The following CNTNAP2 variants were observed in gnomAD, a reference collection of about 807,000 sequenced individuals.
The protein encoded by CNTNAP2 is contactin-associated protein-like 2.
Under a neutral mutation model 155.2 loss-of-function variants are expected in CNTNAP2, and 98 were observed. The ratio of observed to expected loss-of-function variants is 0.63; its 90% CI spans 0.54 to 0.75. The LOEUF is 0.75. Ranked by LOEUF, CNTNAP2 falls within the 30% of genes least tolerant of loss-of-function variation. The pLI is 0.00. For synonymous variants in CNTNAP2, 651 were observed against 631.2 expected (o/e 1.03, Z -0.47); for missense variants, 1,727 against 1,688.1 (o/e 1.02, Z -0.40).
chr7:148,331,342 G>A (rs904990915), intron 21 of CNTNAP2, among the ~76,000 whole-genome samples: 12 of 149,334 alleles, frequency 8.0e-5, no homozygotes, highest in Admixed American at 2.7e-4. Context: ...TGGAATGGAC[G>A]GATGGAATGG....
At chr7:147,887,708 C>T (rs1181648412) in intron 13 of CNTNAP2, among the ~76,000 whole-genome samples, 1 of 152,034 alleles carries the variant, frequency 6.6e-6, no homozygotes, top group East Asian at 1.9e-4. Context: ...TAAATTATAT[C>T]AAATATCCCT....
rs143662512 is a variant in CNTNAP2 at position 146,186,613 on chromosome 7, A to G, written c.97+69640A>G. On this transcript the variant is annotated intron_variant, in intron 1 of 23. Coordinates refer to ENST00000361727, the MANE Select transcript of CNTNAP2 (RefSeq NM_014141.6). ...TTGGTGTATTATGTATTTCAAATAG[A>G]CTTTCTGTTGCCTTTATATATGAAT... Among the ~76,000 whole-genome samples, 460 of 152,244 alleles carry G rather than the reference A, an allele frequency of 3.0e-3. 2 individuals are homozygous for G. The highest frequency in any genetic ancestry group is 9.1e-3 in the South Asian group (44 of 4,826).
At chr7:147,883,220 T>C (rs1277754531) in intron 13 of CNTNAP2, among the ~76,000 whole-genome samples, 1 of 152,128 alleles carries the variant, frequency 6.6e-6, no homozygotes, top group African/African-American at 2.4e-5. Flanking sequence ...GACTGCATAC[T>C]GAAGTCAGCC....
chr7:147,711,143 A>T (rs2117015912), intron 13 of CNTNAP2, among the ~76,000 whole-genome samples: 1 of 152,312 alleles, frequency 6.6e-6, no homozygotes, highest in African/African-American at 2.4e-5. Context: ...TACTTTGAAT[A>T]GCTATAGGGT....
chr7:147,758,736 T>C (rs1008248875), intron 13 of CNTNAP2, among the ~76,000 whole-genome samples: 1 of 152,070 alleles, frequency 6.6e-6, no homozygotes, highest in Non-Finnish European at 1.5e-5. Context: ...GCCCAGCTAC[T>C]TGCGGGGCTG....
Position 147,043,987 on chromosome 7 carries a change from A to T in CNTNAP2, c.483A>T (p.Ile161=). The change falls in exon 4 of 24, where the codon ATA becomes ATT. Residue 161 remains isoleucine (I), a synonymous_variant. Coordinates refer to ENST00000361727, the MANE Select transcript of CNTNAP2 (RefSeq NM_014141.6). ...QHPIIARYVR[I]VPLDWNGEGR... is the part of the protein sequence containing the mutation. ...CGATTATTGCCCGCTATGTGCGCAT[A>T]GTGCCTCTGGATTGGAATGGAGAAG... is the stretch of plus-strand genomic sequence containing the variant. 1 of 1,614,232 alleles carries T rather than the reference A, an allele frequency of 6.2e-7. No homozygotes were observed.
At position 146,875,843 on chromosome 7, in the gene CNTNAP2, C is replaced by T. The variant is rs533166186; in HGVS notation, c.402+35939C>T. Among the ~76,000 whole-genome samples the T allele has an allele frequency of 2.2e-5, 3 of 135,522 alleles. No homozygotes were observed. In the South Asian group the frequency reaches 7.7e-4, roughly 35 times the overall value. The allele number at this position is 135,522 out of a possible 152,430, so 88.9% of individuals were successfully genotyped here. On this transcript the variant is annotated intron_variant, in intron 3 of 23. Transcript: ENST00000361727. ...GAAGGGTCACTTGAGGCCAGTAGTT[C>T]AAGACCAGCCTAGACAACATAGGGA... is the stretch of plus-strand genomic sequence containing the variant.
intron 23 of CNTNAP2, among the ~76,000 whole-genome samples, chr7:148,413,405 T>A (rs1339344793): frequency 0.5 from 5,533 of 10,966 alleles, 1,469 homozygotes; most frequent in South Asian, 0.68. Flanking sequence ...AAAAAAAATA[T>A]ATATATATAT....
chr7:148,097,494 G>C (rs1350222442), intron 15 of CNTNAP2, among the ~76,000 whole-genome samples: 3 of 151,738 alleles, frequency 2.0e-5, no homozygotes, highest in Admixed American at 6.6e-5. Flanking sequence ...CTCTTTTTTG[G>C]GGGGGCGGGG....
chr7:148,010,541 G>T (rs1802059833), intron 15 of CNTNAP2, among the ~76,000 whole-genome samples: 2 of 151,392 alleles, frequency 1.3e-5, no homozygotes, highest in African/African-American at 4.9e-5. Context: ...TTTTTTAATG[G>T]TATAATCTAA....
intron 4 of CNTNAP2, among the ~76,000 whole-genome samples, chr7:147,084,426 T>A: frequency 7.7e-6 from 1 of 129,056 alleles, no homozygotes; most frequent in East Asian, 2.2e-4. Flanking sequence ...TGCATAATGC[T>A]ATATATGTAT....
chr7:147,261,755 T>C (rs1804471732), intron 8 of CNTNAP2, among the ~76,000 whole-genome samples: 1 of 152,202 alleles, frequency 6.6e-6, no homozygotes, highest in Admixed American at 6.5e-5. Flanking sequence ...TGAAGGGTAT[T>C]ATGACAGCCA....
At chr7:147,223,876 G>T (rs1006165187) in intron 8 of CNTNAP2, among the ~76,000 whole-genome samples, 25 of 148,574 alleles carry the variant, frequency 1.7e-4, no homozygotes, top group African/African-American at 6.2e-4. Context: ...AGAAGGCAAA[G>T]CTTGCAGTGA....
intron 23 of CNTNAP2, among the ~76,000 whole-genome samples, chr7:148,411,042 T>C (rs1193027981): frequency 2.6e-5 from 4 of 152,076 alleles, no homozygotes; most frequent in African/African-American, 7.2e-5. Context: ...TATCAGAAGA[T>C]TTAACAAGCT....
intron 1 of CNTNAP2, among the ~76,000 whole-genome samples, chr7:146,705,676 C>A (rs991455382): frequency 6.6e-6 from 1 of 152,030 alleles, no homozygotes; most frequent in Non-Finnish European, 1.5e-5. Context: ...AGCAAAGAGA[C>A]GTCTTACATG....
intron 4 of CNTNAP2, among the ~76,000 whole-genome samples, chr7:147,088,235 T>A (rs1408831973): frequency 6.6e-6 from 1 of 152,186 alleles, no homozygotes; most frequent in African/African-American, 2.4e-5. Flanking sequence ...AAATCTCACT[T>A]GGATCACTAA....
chr7:148,062,737 G>C (rs559641275), intron 15 of CNTNAP2, among the ~76,000 whole-genome samples: 2 of 152,192 alleles, frequency 1.3e-5, no homozygotes, highest in South Asian at 4.1e-4. Flanking sequence ...AAATGCTTAA[G>C]TAAAAAATGA....
chr7:148,327,394 C>CAGGA (rs1480962337), intron 21 of CNTNAP2, among the ~76,000 whole-genome samples: 1 of 152,194 alleles, frequency 6.6e-6, no homozygotes, highest in Non-Finnish European at 1.5e-5. Flanking sequence ...TGCCAGCAGC[C>CAGGA]TCCTCTTGGC....
At chr7:146,148,159 T>G (rs1797982801) in intron 1 of CNTNAP2, among the ~76,000 whole-genome samples, 1 of 152,158 alleles carries the variant, frequency 6.6e-6, no homozygotes, top group Admixed American at 6.6e-5. Flanking sequence ...TTTAAAATGA[T>G]GCATTATAAT....
Sources: allele counts gnomAD v4.1 joint callset (sites outside exome capture counted in the v4.1 genomes callset), GRCh38; gene constraint gnomAD v4.1.1; transcripts MANE v1.5; gene names NCBI Gene and HGNC (gene_info 2026-07-23, HGNC 2026-07-21).